MGAM: variants seen among roughly 807,000 people sequenced by gnomAD.
The protein encoded by MGAM is alpha-1,4-glucosidase.
Under a neutral mutation model 358.8 loss-of-function variants are expected in MGAM, and 253 were observed. The ratio of observed to expected loss-of-function variants is 0.71; its 90% CI spans 0.64 to 0.78. MGAM has a LOEUF of 0.78. MGAM is among the 30% of genes least tolerant of loss of function. MGAM has a pLI of 0.00. For missense variants in MGAM, 3,080 were observed against 3,432.6 expected (o/e 0.90, Z 2.57); for synonymous variants, 1,105 against 1,227.1 (o/e 0.90, Z 2.08).
At chr7:142,081,744 G>A (rs974881417) in intron 50 of MGAM, among the ~76,000 whole-genome samples, 1 of 145,782 alleles carries the variant, frequency 6.9e-6, no homozygotes, top group African/African-American at 2.4e-5. Flanking sequence ...GGGGTGCAAG[G>A]GTGGAAGGCA....
chr7:142,102,149 A>T (rs949019711), intron 68 of MGAM, among the ~76,000 whole-genome samples: 1 of 152,108 alleles, frequency 6.6e-6, no homozygotes, highest in Non-Finnish European at 1.5e-5. Flanking sequence ...TTCTCTGGAG[A>T]TCACATTTTT....
intron 2 of MGAM, among the ~76,000 whole-genome samples, chr7:141,988,000 C>T (rs547052396): frequency 6.6e-6 from 1 of 152,236 alleles, no homozygotes; most frequent in East Asian, 1.9e-4. Flanking sequence ...GATTAAAGTA[C>T]TCCGAGGCTG....
intron 5 of MGAM, among the ~76,000 whole-genome samples, chr7:142,021,313 A>T (rs1018975897): frequency 1.1e-4 from 17 of 152,084 alleles, no homozygotes; most frequent in Non-Finnish European, 2.4e-4. Context: ...TCATTCATTT[A>T]CTCTAGATAA....
In MGAM at chr7:142,053,259, G is replaced by T. The variant is rs556194689; in HGVS notation, c.3159+275G>T. 4.6e-5 allele frequency among the ~76,000 whole-genome samples: 7 copies of T among 152,222 alleles called. No homozygotes were observed. The South Asian group carries it at 1.5e-3, about 32-fold the overall frequency. Reference sequence around the variant, plus strand: ...GAGGCTACCAGTTAGGCAGGTCAGTGGAGGGATTAGGTTTGGACTAGACAG... The same window carrying T: ...GAGGCTACCAGTTAGGCAGGTCAGTTGAGGGATTAGGTTTGGACTAGACAG... On this transcript the variant is annotated intron_variant, in intron 26 of 70. Coordinates refer to ENST00000475668, the MANE Select transcript of MGAM (RefSeq NM_001365693.1).
intron 3 of MGAM, among the ~76,000 whole-genome samples, chr7:142,016,388 A>G (rs1805975428): frequency 6.6e-6 from 1 of 152,128 alleles, no homozygotes; most frequent in Non-Finnish European, 1.5e-5. Context: ...GTGTTCTTAA[A>G]ATATTCTGTT....
intron 50 of MGAM, among the ~76,000 whole-genome samples, 171 bp downstream of exon 50, chr7:142,081,116 A>G (rs1355006949): frequency 1.4e-5 from 2 of 146,424 alleles, no homozygotes; most frequent in African/African-American, 4.9e-5. Flanking sequence ...GCATTCTGGA[A>G]ATAATTACTG....
intron 33 of MGAM, 120 bp from the exon 34 acceptor site, chr7:142,060,191 C>G: frequency 1.4e-6 from 2 of 1,414,760 alleles, no homozygotes; most frequent in Non-Finnish European, 2.0e-6. Context: ...TATGTCAATC[C>G]TATGTGATAG....
At position 142,103,420 on chromosome 7, in the gene MGAM, A is replaced by G. The variant is rs767649344; in HGVS notation, c.8165A>G (p.Asn2722Ser). The change falls in exon 70 of 71, where the codon AAC (asparagine) becomes AGC (serine). Residue 2722 changes from asparagine to serine, a missense_variant. This residue lies in a region of MGAM where 194 missense variants were observed against 172.8 expected (regional missense o/e 1.12). Transcript: ENST00000475668. Reference sequence around the variant, plus strand: ...GGCATGGTCATAACACCCTCCTTCAACAATGACCCCACGACACAGGTTTGT... The same window carrying G: ...GGCATGGTCATAACACCCTCCTTCAGCAATGACCCCACGACACAGGTTTGT... The part of the protein sequence containing the change: ...VSGMVITPSF[N>S]NDPTTQVLSI... 22 of 1,607,420 alleles carry G rather than the reference A, an allele frequency of 1.4e-5. No homozygotes were observed. Among genetic ancestry groups the G allele is most frequent in the Middle Eastern group, 1.7e-4 (1 of 6,048 alleles).
chr7:142,085,711 C>G, intron 54 of MGAM, 122 bp from the exon 55 acceptor site: 5 of 1,282,062 alleles, frequency 3.9e-6, no homozygotes, highest in African/African-American at 1.4e-5. Context: ...TGGCAGAGCT[C>G]GGACTTGAAA....
At position 142,054,881 on chromosome 7, in the gene MGAM, T is replaced by G. The variant is rs1431849178; in HGVS notation, c.3287T>G (p.Ile1096Ser). 6.2e-7 allele frequency: 1 copy of G among 1,613,876 alleles called. No homozygotes were observed. The highest frequency in any genetic ancestry group is 1.3e-5 in the African/African-American group (1 of 75,022). ...LIKKNPFGIE[I>S]RRKSTGTIIW... ...AAGAAGAATCCATTTGGGATTGAAA[T>G]TCGCCGGAAGAGTACAGGCACTATA... Residue 1096 changes from isoleucine (I) to serine (S), a missense_variant, in exon 27 of 71, where the codon ATT (isoleucine) becomes AGT (serine). Ile to Ser is a moderately radical substitution (Grantham distance 142). This residue lies in a region of MGAM where 1,816 missense variants were observed against 1,840.5 expected (regional missense o/e 0.99). Transcript: ENST00000475668.
rs145832824 is a variant in MGAM at position 142,059,008 on chromosome 7, T to C, written c.3820-464T>C. ...ACAGTCTCAGGAAGAATGTTGTGTA[T>C]GATTACCCTCAAGATTCGGTATTCC... On this transcript the variant is annotated intron_variant, in intron 31 of 70. Coordinates refer to ENST00000475668, the MANE Select transcript of MGAM (RefSeq NM_001365693.1). Among the ~76,000 whole-genome samples the C allele has an allele frequency of 1.1e-4, 16 of 152,370 alleles. No individual in the cohort carries two copies. In the East Asian group the frequency reaches 2.5e-3, roughly 24 times the overall value.
intron 3 of MGAM, among the ~76,000 whole-genome samples, chr7:142,014,617 C>T (rs1805829520): frequency 6.6e-6 from 1 of 152,044 alleles, no homozygotes; most frequent in African/African-American, 2.4e-5. Flanking sequence ...TTCCTCCATC[C>T]TCTTTAGAAG....
intron 2 of MGAM, among the ~76,000 whole-genome samples, chr7:142,006,293 A>G (rs1308450746): frequency 9.9e-5 from 15 of 152,118 alleles, no homozygotes; most frequent in Admixed American, 9.8e-4. Flanking sequence ...ATTTCCCATC[A>G]AAACTCTTGC....
intron 49 of MGAM, among the ~76,000 whole-genome samples, chr7:142,080,376 C>A (rs1814149823): frequency 6.8e-6 from 1 of 146,376 alleles, no homozygotes; most frequent in African/African-American, 2.4e-5. Context: ...GTTTAGATAC[C>A]ACCTTCAGCA....
intron 21 of MGAM, among the ~76,000 whole-genome samples, chr7:142,042,023 ATATTATAT>A (rs1808808071): frequency 4.5e-5 from 1 of 22,186 alleles, no homozygotes; most frequent in Non-Finnish European, 6.6e-5. Context: ...TAATATATAT[ATATTATAT>A]TATATACATA....
intron 1 of MGAM, among the ~76,000 whole-genome samples, chr7:141,997,883 T>C (rs1804393351): frequency 6.6e-6 from 1 of 152,216 alleles, no homozygotes; most frequent in Non-Finnish European, 1.5e-5. Flanking sequence ...TTTTGATGAA[T>C]AGCTATGGCT....
At chr7:141,987,015 T>C (rs1803735015) in intron 2 of MGAM, among the ~76,000 whole-genome samples, 1 of 152,016 alleles carries the variant, frequency 6.6e-6, no homozygotes, top group African/African-American at 2.4e-5. Context: ...TGATTAGACA[T>C]TTTTGGTGGA....
At chr7:142,010,940 G>C (rs1462668801) in intron 3 of MGAM, among the ~76,000 whole-genome samples, 4 of 152,158 alleles carry the variant, frequency 2.6e-5, no homozygotes, top group African/African-American at 7.2e-5. Flanking sequence ...ATTGATGGCA[G>C]GGAGCAGGAA....
Position 142,052,463 on chromosome 7 carries a change from G to T in MGAM, c.2958+17G>T, listed in dbSNP as rs780809879. 1 of 1,612,246 alleles carries T rather than the reference G, an allele frequency of 6.2e-7. No homozygotes were observed. The highest frequency in any genetic ancestry group is 2.2e-5 in the East Asian group (1 of 44,828). On this transcript the variant is annotated intron_variant, in intron 25 of 70. Transcript: ENST00000475668. ...ATCTGGGAGGTAACCATGCTGATGG[G>T]GTTTGTGTGCATGAGAATCTCCACA...
Sources: gnomAD v4.1 joint callset for allele counts (sites outside exome capture counted in the v4.1 genomes callset) on GRCh38, gnomAD v4.1.1 for gene constraint, gnomAD v4.1.1 regional missense constraint, MANE v1.5 for transcripts, NCBI Gene and HGNC (gene_info 2026-07-23, HGNC 2026-07-21) for gene names.